Variants in PLCG2 observed in about 807,000 individuals in gnomAD.
The protein encoded by PLCG2 is 1-phosphatidylinositol 4,5-bisphosphate phosphodiesterase gamma-2.
PLCG2 carries 69 observed loss-of-function variants against 175.6 expected under a neutral mutation model. That is an observed-to-expected ratio of 0.39 (90% confidence interval 0.32 to 0.48). The LOEUF (loss-of-function observed/expected upper bound fraction) is 0.48. Ranked by LOEUF, PLCG2 falls within the 20% of genes least tolerant of loss-of-function variation. PLCG2 has a pLI of 0.91. For missense variants in PLCG2, 1,798 were observed against 1,650.9 expected (o/e 1.09, Z -1.54); for synonymous variants, 827 against 624.0 (o/e 1.33, Z -4.85).
Position 81,796,005 on chromosome 16 carries a change from G to A in PLCG2, c.193+9823G>A, listed in dbSNP as rs1358120196. 3.3e-5 allele frequency among the ~76,000 whole-genome samples: 5 copies of A among 152,344 alleles called. No homozygotes were observed. The East Asian group carries it at 5.8e-4, about 18-fold the overall frequency. On this transcript the variant is annotated intron_variant, in intron 2 of 32. Transcript: ENST00000564138. The stretch of plus-strand genomic sequence containing the variant: ...AGGCTTTTCTGTAACCCCTAATTTT[G>A]GAGGGTACAGAGGCAGCTCTAGGTG...
intron 3 of PLCG2, among the ~76,000 whole-genome samples, chr16:81,855,497 T>C (rs974359157): frequency 1.3e-5 from 2 of 152,246 alleles, no homozygotes; most frequent in African/African-American, 2.4e-5. Flanking sequence ...TTCGGTCAAA[T>C]AACTTATTAA....
intron 2 of PLCG2, among the ~76,000 whole-genome samples, chr16:81,828,720 G>A (rs1905142582): frequency 6.6e-6 from 1 of 152,150 alleles, no homozygotes; most frequent in Non-Finnish European, 1.5e-5. Flanking sequence ...GAAGCCAGCC[G>A]TCACAGCCTC....
intron 16 of PLCG2, 77 bp downstream of exon 16, chr16:81,907,851 C>A (rs1909445869): frequency 2.0e-6 from 2 of 1,003,184 alleles, no homozygotes; most frequent in African/African-American, 1.6e-5. Context: ...GGACCTCCTT[C>A]CCATGTGGCT....
intron 1 of PLCG2, among the ~76,000 whole-genome samples, chr16:81,781,200 CAGA>C (rs1314858934): frequency 1.3e-5 from 2 of 152,174 alleles, no homozygotes; most frequent in African/African-American, 4.8e-5. Flanking sequence ...CTGGATTTAC[CAGA>C]AGATCACCTT....
intron 2 of PLCG2, among the ~76,000 whole-genome samples, chr16:81,831,421 C>T (rs931849910): frequency 2.6e-5 from 4 of 152,212 alleles, no homozygotes; most frequent in African/African-American, 9.6e-5. Context: ...GTGTGCCAGG[C>T]ACTGCACTAA....
chr16:81,875,210 C>T lies in PLCG2; in HGVS notation c.648+4275C>T, dbSNP rs531449967. Among the ~76,000 whole-genome samples the T allele has an allele frequency of 1.1e-4, 16 of 152,104 alleles. No homozygotes were observed. The South Asian group carries it at 2.5e-3, about 24-fold the overall frequency. ...AACTCCTGACCTCAGGTGATCCTCC[C>T]GCCTTGGCCTCCCAAGGTGCTGGGA... On this transcript the variant is annotated intron_variant, in intron 7 of 32. Coordinates refer to ENST00000564138, the MANE Select transcript of PLCG2 (RefSeq NM_002661.5).
intron 24 of PLCG2, 175 bp from the exon 25 acceptor site, chr16:81,931,322 T>A: frequency 1.9e-6 from 1 of 521,942 alleles, no homozygotes; most frequent in South Asian, 3.2e-5. Flanking sequence ...ATCCCTTGAG[T>A]AGTCATCTGT....
At chr16:81,777,731 A>G (rs1174330733), upstream of PLCG2, among the ~76,000 whole-genome samples, 1 of 152,020 alleles carries the variant, frequency 6.6e-6, no homozygotes, top group African/African-American at 2.4e-5. Context: ...AAACGCTATA[A>G]CAGGCCGGGT....
chr16:81,806,922 G>T (rs754302663), intron 2 of PLCG2, among the ~76,000 whole-genome samples: 2 of 152,026 alleles, frequency 1.3e-5, no homozygotes, highest in Non-Finnish European at 2.9e-5. Flanking sequence ...ATGACCCAGG[G>T]CTGTGGAGGC....
chr16:81,816,823 AG>A (rs1039348085), intron 2 of PLCG2, among the ~76,000 whole-genome samples: 1 of 151,872 alleles, frequency 6.6e-6, no homozygotes, highest in Non-Finnish European at 1.5e-5. Context: ...CTTACTCCCA[AG>A]GTCCTGATGT....
chr16:81,876,442 C>T (rs1020881309), intron 7 of PLCG2, among the ~76,000 whole-genome samples: 2 of 152,156 alleles, frequency 1.3e-5, no homozygotes, highest in Non-Finnish European at 2.9e-5. Context: ...TGCCTTCAGC[C>T]ACGTGGGAAA....
At chr16:81,949,617 G>C (rs1683225373) in intron 31 of PLCG2, among the ~76,000 whole-genome samples, 1 of 152,264 alleles carries the variant, frequency 6.6e-6, no homozygotes, top group Non-Finnish European at 1.5e-5. Context: ...GATTATTTTA[G>C]TCAGAAAAGA....
chr16:81,949,207 C>G (rs1361354386), intron 31 of PLCG2, among the ~76,000 whole-genome samples: 5 of 152,172 alleles, frequency 3.3e-5, no homozygotes, highest in Non-Finnish European at 5.9e-5. Context: ...CAAAGTTAAA[C>G]AGACGGTGGA....
intron 18 of PLCG2, among the ~76,000 whole-genome samples, chr16:81,911,691 A>T (rs761383386): frequency 6.6e-6 from 1 of 150,412 alleles, no homozygotes; most frequent in Non-Finnish European, 1.5e-5. Context: ...GCTCACTGCA[A>T]CCTCTGCCTC....
At chr16:81,920,177 G>T (rs1344639564) in intron 20 of PLCG2, among the ~76,000 whole-genome samples, 1 of 152,188 alleles carries the variant, frequency 6.6e-6, no homozygotes, top group African/African-American at 2.4e-5. Context: ...TATCATGCAG[G>T]GGCTCATAGG....
intron 1 of PLCG2, among the ~76,000 whole-genome samples, chr16:81,752,820 T>A (rs543321720): frequency 1.1e-4 from 16 of 152,162 alleles, no homozygotes; most frequent in Admixed American, 5.9e-4. Context: ...CCCCGGTGAG[T>A]GGCTGTTGGG....
chr16:81,757,741 C>T (rs1909958562), intron 2 of PLCG2, among the ~76,000 whole-genome samples: 1 of 152,154 alleles, frequency 6.6e-6, no homozygotes, highest in African/African-American at 2.4e-5. Flanking sequence ...GCACTGACAT[C>T]ATCACCACAA....
intron 2 of PLCG2, among the ~76,000 whole-genome samples, chr16:81,796,839 A>C (rs889984244): frequency 1.3e-5 from 2 of 152,268 alleles, no homozygotes; most frequent in Middle Eastern, 3.4e-3. Context: ...GGTCTCCAGA[A>C]CTGTGAGACA....
At chr16:81,779,515 G>T (rs1262052011) in intron 1 of PLCG2, 91 bp downstream of exon 1, 7 of 151,906 alleles carry the variant, frequency 4.6e-5, no homozygotes, top group African/African-American at 7.2e-5. Context: ...GTCCGAGGGG[G>T]TCTGCGTCCT....
Sources: allele counts gnomAD v4.1 joint callset (sites outside exome capture counted in the v4.1 genomes callset), GRCh38; gene constraint gnomAD v4.1.1; transcripts MANE v1.5; gene names NCBI Gene and HGNC (gene_info 2026-07-23, HGNC 2026-07-21).